BTBD9: variants seen among roughly 807,000 people sequenced by gnomAD.
The protein encoded by BTBD9 is BTB/POZ domain-containing protein 9.
Under a neutral mutation model 64.3 loss-of-function variants are expected in BTBD9, and 49 were observed. The ratio of observed to expected loss-of-function variants is 0.76; its 90% CI spans 0.61 to 0.97. The LOEUF (loss-of-function observed/expected upper bound fraction) is 0.97, where lower values mean the gene tolerates loss of function less well. BTBD9 is among the 50% of genes least tolerant of loss of function. The pLI, the probability that BTBD9 is intolerant of heterozygous loss-of-function variation, is 0.00. For synonymous variants in BTBD9, 260 were observed against 274.7 expected (o/e 0.95, Z 0.53); for missense variants, 598 against 762.1 (o/e 0.78, Z 2.53).
At chr6:38,296,651 C>T (rs1393594677) in intron 7 of BTBD9, among the ~76,000 whole-genome samples, 2 of 152,116 alleles carry the variant, frequency 1.3e-5, no homozygotes, top group African/African-American at 4.8e-5. Flanking sequence ...GTGTACCAGT[C>T]AGGTATTGTG....
At chr6:38,622,781 T>C (rs1188986018) in intron 1 of BTBD9, among the ~76,000 whole-genome samples, 1 of 152,164 alleles carries the variant, frequency 6.6e-6, no homozygotes, top group African/African-American at 2.4e-5. Context: ...CAACTGATCA[T>C]AGTAACTTCC....
At chr6:38,188,000 G>A (rs966680695) in intron 10 of BTBD9, among the ~76,000 whole-genome samples, 1 of 152,234 alleles carries the variant, frequency 6.6e-6, no homozygotes, top group African/African-American at 2.4e-5. Flanking sequence ...AAATTAGCAT[G>A]CAGCAGACGG....
At chr6:38,179,948 G>C in intron 10 of BTBD9, 1 of 407,576 alleles carries the variant, frequency 2.5e-6, no homozygotes, top group Non-Finnish European at 4.9e-6. Flanking sequence ...AAAGATCTGG[G>C]CCTTGGCACC....
chr6:38,470,273 T>A (rs1355992835), intron 6 of BTBD9, among the ~76,000 whole-genome samples: 1 of 152,226 alleles, frequency 6.6e-6, no homozygotes, highest in Non-Finnish European at 1.5e-5. Flanking sequence ...GTGGAGAACC[T>A]AGCCATGAAA....
chr6:38,564,789 G>A (rs898500264), intron 6 of BTBD9, among the ~76,000 whole-genome samples: 14 of 152,150 alleles, frequency 9.2e-5, no homozygotes, highest in African/African-American at 3.1e-4. Flanking sequence ...CTACTCGGGA[G>A]GCTGAGGCAG....
intron 7 of BTBD9, among the ~76,000 whole-genome samples, chr6:38,310,212 C>G (rs1220428754): frequency 2.0e-5 from 3 of 152,112 alleles, no homozygotes; most frequent in African/African-American, 7.2e-5. Flanking sequence ...ACAAAGGGTG[C>G]CTGAGGGAAC....
At chr6:38,401,873 C>A (rs931680653) in intron 6 of BTBD9, among the ~76,000 whole-genome samples, 1 of 152,110 alleles carries the variant, frequency 6.6e-6, no homozygotes, top group Admixed American at 6.5e-5. Context: ...ATGCCTGACA[C>A]CTAGTAAGTG....
chr6:38,469,773 T>G (rs573885404), intron 6 of BTBD9, among the ~76,000 whole-genome samples: 1 of 152,218 alleles, frequency 6.6e-6, no homozygotes, highest in Admixed American at 6.5e-5. Context: ...ATTTTCACCT[T>G]GAACTATAGC....
At position 38,256,393 on chromosome 6, in the gene BTBD9, A is replaced by G. The variant is rs764923307; in HGVS notation, c.1562+16T>C. The G allele has an allele frequency of 1.3e-6, 2 of 1,587,132 alleles. No individual in the cohort carries two copies. The highest frequency in any genetic ancestry group is 2.2e-5 in the South Asian group (2 of 90,284). ...TCTTTTCAATAGGAATAAATTCCTGAAAAGACACAACTTACTTGCAGGAGA... is the reference window on the plus strand; with the variant it reads ...TCTTTTCAATAGGAATAAATTCCTGGAAAGACACAACTTACTTGCAGGAGA... On this transcript the variant is annotated intron_variant, in intron 9 of 10. Coordinates refer to ENST00000481247, the MANE Select transcript of BTBD9 (RefSeq NM_001099272.2).
chr6:38,575,686 T>C (rs1775990647), intron 6 of BTBD9, among the ~76,000 whole-genome samples: 1 of 152,202 alleles, frequency 6.6e-6, no homozygotes, highest in African/African-American at 2.4e-5. Flanking sequence ...AAAGTAGTAA[T>C]ATAATAAAGT....
At chr6:38,536,833 G>A (rs1450462987) in intron 6 of BTBD9, among the ~76,000 whole-genome samples, 1 of 152,092 alleles carries the variant, frequency 6.6e-6, no homozygotes, top group Non-Finnish European at 1.5e-5. Flanking sequence ...AGTGCTGGGG[G>A]TGGAGGAAAG....
intron 6 of BTBD9, among the ~76,000 whole-genome samples, chr6:38,494,336 T>C (rs1328656444): frequency 6.6e-6 from 1 of 152,218 alleles, no homozygotes; most frequent in Non-Finnish European, 1.5e-5. Flanking sequence ...AATTCTTCTA[T>C]TCAAATCTGA....
At chr6:38,448,741 C>A (rs1054767103) in intron 6 of BTBD9, among the ~76,000 whole-genome samples, 1 of 152,148 alleles carries the variant, frequency 6.6e-6, no homozygotes, top group African/African-American at 2.4e-5. Flanking sequence ...TGGTTTCCAA[C>A]TCCTGGCCTC....
At chr6:38,589,307 C>T (rs1239829306) in intron 4 of BTBD9, among the ~76,000 whole-genome samples, 1 of 152,146 alleles carries the variant, frequency 6.6e-6, no homozygotes, top group African/African-American at 2.4e-5. Context: ...TCCAAACTAC[C>T]AGTAACCATG....
chr6:38,377,345 T>C (rs892307353), intron 6 of BTBD9, among the ~76,000 whole-genome samples: 9 of 152,166 alleles, frequency 5.9e-5, no homozygotes, highest in Non-Finnish European at 1.2e-4. Flanking sequence ...AAACAATTAC[T>C]TACAACAGAA....
At chr6:38,525,074 A>G (rs944834556) in intron 6 of BTBD9, among the ~76,000 whole-genome samples, 1 of 152,178 alleles carries the variant, frequency 6.6e-6, no homozygotes, top group Admixed American at 6.5e-5. Context: ...TCATGATGGC[A>G]CGATCAGCAC....
At chr6:38,589,527 C>G (rs1459197364) in intron 4 of BTBD9, among the ~76,000 whole-genome samples, 1 of 152,198 alleles carries the variant, frequency 6.6e-6, no homozygotes, top group Non-Finnish European at 1.5e-5. Context: ...CATCCTCCCA[C>G]ACTTTATCCA....
intron 7 of BTBD9, among the ~76,000 whole-genome samples, chr6:38,309,130 G>A (rs1435886600): frequency 6.6e-6 from 1 of 151,714 alleles, no homozygotes; most frequent in Non-Finnish European, 1.5e-5. Context: ...AGCACTTTGG[G>A]AGGCTGAAGC....
At chr6:38,600,927 A>T (rs1777218623) in intron 1 of BTBD9, among the ~76,000 whole-genome samples, 1 of 152,234 alleles carries the variant, frequency 6.6e-6, no homozygotes, top group Non-Finnish European at 1.5e-5. Flanking sequence ...TGTTTCGTGT[A>T]TAGAAAACAG....
Sources: allele counts gnomAD v4.1 joint callset (sites outside exome capture counted in the v4.1 genomes callset), GRCh38; gene constraint gnomAD v4.1.1; transcripts MANE v1.5; gene names NCBI Gene and HGNC (gene_info 2026-07-23, HGNC 2026-07-21).